Variants in MYB observed in about 807,000 individuals in gnomAD.
MYB encodes transcriptional activator Myb.
A neutral mutation model predicts 92.9 loss-of-function variants in MYB; 28 were observed. The ratio of observed to expected loss-of-function variants is 0.30; its 90% confidence interval spans 0.22 to 0.41. The LOEUF (loss-of-function observed/expected upper bound fraction) is 0.41, where lower values mean the gene tolerates loss of function less well. Ranked by LOEUF, MYB falls within the 10% of genes least tolerant of loss-of-function variation. The pLI is 1.00. For synonymous variants in MYB, 295 were observed against 329.1 expected (o/e 0.90, Z 1.12); for missense variants, 679 against 929.3 (o/e 0.73, Z 3.50).
At position 135,195,780 on chromosome 6, in the gene MYB, G is replaced by T. The variant is rs1157606106; in HGVS notation, c.981G>T (p.Trp327Cys). The T allele has an allele frequency of 1.2e-6, 2 of 1,614,008 alleles. No individual in the cohort carries two copies. The highest frequency in any genetic ancestry group is 1.7e-6 in the Non-Finnish European group (2 of 1,179,998). Reference sequence around the variant, plus strand: ...ACCACACATGCAGCTACCCCGGGTGGCACAGCACCACCATTGCCGACCACA... The same window carrying T: ...ACCACACATGCAGCTACCCCGGGTGTCACAGCACCACCATTGCCGACCACA... Reference protein sequence around the residue: ...TQNHTCSYPGWHSTTIADHTR... With the variant: ...TQNHTCSYPGCHSTTIADHTR... Residue 327 changes from tryptophan (W) to cysteine (C), a missense_variant, in exon 9 of 16, where the codon TGG becomes TGT. Physicochemically the swap from Trp to Cys is radical, Grantham distance 215. This residue lies in a region of MYB where 56 missense variants were observed against 55.8 expected (regional missense o/e 1.00). Coordinates refer to ENST00000341911, the MANE Select transcript of MYB (RefSeq NM_001130173.2).
intron 15 of MYB, among the ~76,000 whole-genome samples, chr6:135,215,082 A>G (rs1206926668): frequency 6.6e-6 from 1 of 152,210 alleles, no homozygotes; most frequent in Admixed American, 6.5e-5. Context: ...ATTTCTATTC[A>G]TAGACAGTGC....
chr6:135,183,778 T>C (rs1775508846), intron 1 of MYB, among the ~76,000 whole-genome samples: 1 of 152,190 alleles, frequency 6.6e-6, no homozygotes, highest in African/African-American at 2.4e-5. Flanking sequence ...CCCAAGACCT[T>C]AGTTTTGCAC....
At position 135,206,216 on chromosome 6, in the gene MYB, A is replaced by T. The variant is rs1424572407; in HGVS notation, c.2169+2892A>T. Among the ~76,000 whole-genome samples the T allele has an allele frequency of 3.5e-4, 50 of 143,390 alleles. 1 individual carries two copies. The highest frequency in any genetic ancestry group is 1.5e-3 in the Admixed American group (21 of 14,296). The allele number at this position is 143,390 out of a possible 152,430, so 94.1% of individuals were successfully genotyped here. ...GCGAGACTCCATCTCAAAAAAAAAA[A>T]AAAAAAAAAAATAATAATAATAATA... On this transcript the variant is annotated intron_variant, in intron 15 of 15. Coordinates refer to ENST00000341911, the MANE Select transcript of MYB (RefSeq NM_001130173.2).
Position 135,194,425 on chromosome 6 carries a change from A to G in MYB, c.913A>G (p.Thr305Ala), listed in dbSNP as rs755251168. The G allele has an allele frequency of 3.7e-6, 6 of 1,614,072 alleles. No homozygotes were observed. The highest frequency in any genetic ancestry group is 1.3e-5 in the African/African-American group (1 of 75,054). ...GGAATTAGAATTGCTCCTAATGTCAACCGAGAATGAGCTAAAAGGACAGCA... is the reference window on the plus strand; with the variant it reads ...GGAATTAGAATTGCTCCTAATGTCAGCCGAGAATGAGCTAAAAGGACAGCA... ...IKELELLLMSTENELKGQQVL... is the reference protein window; with the variant it reads ...IKELELLLMSAENELKGQQVL... The change falls in exon 8 of 16, where the codon ACC (threonine) becomes GCC (alanine). Residue 305 changes from threonine to alanine, a missense_variant. This residue lies in a region of MYB where 43 missense variants were observed against 87.9 expected (regional missense o/e 0.49). Transcript: ENST00000341911.
At chr6:135,196,145 A>G in intron 9 of MYB, 143 bp downstream of exon 9, 1 of 900,382 alleles carries the variant, frequency 1.1e-6, no homozygotes, top group Non-Finnish European at 1.6e-6. Flanking sequence ...CATCTTCATG[A>G]ATATGTTTTT....
intron 15 of MYB, 72 bp downstream of exon 15, chr6:135,203,396 G>C: frequency 7.9e-7 from 1 of 1,259,638 alleles, no homozygotes; most frequent in Non-Finnish European, 1.2e-6. Flanking sequence ...TGGTGGTGGT[G>C]GTGGTGGTGA....
In MYB at chr6:135,189,716, G is replaced by C. The variant is rs554588336; in HGVS notation, c.214-75G>C. ...TTTTCACTGCATATGGTCTATGTGT[G>C]ATTCCTATTACAACAAAAAATTCAC... On this transcript the variant is annotated intron_variant, in intron 3 of 15. Transcript: ENST00000341911. 4.9e-6 allele frequency: 6 copies of C among 1,215,036 alleles called. No homozygotes were observed. The East Asian group carries it at 1.2e-4, about 24-fold the overall frequency. The allele number at this position is 1,215,036 out of a possible 1,614,324, so 75.3% of individuals were successfully genotyped here.
rs1465967713 is a variant in MYB, at chr6:135,200,115, C to T, written c.1740C>T (p.Ile580=). The T allele has an allele frequency of 6.2e-7, 1 of 1,614,006 alleles. No homozygotes were observed. Among genetic ancestry groups the T allele is most frequent in the East Asian group, 2.2e-5 (1 of 44,884 alleles). ...VFRTPAIKRS[I]LESSPRTPTP... ...GAACCCCAGCTATCAAAAGGTCAAT[C>T]TTAGAAAGCTCTCCAAGAACTCCTA... Residue 580 remains isoleucine, a synonymous_variant, in exon 12 of 16, where the codon ATC becomes ATT. Transcript: ENST00000341911.
chr6:135,184,047 C>T (rs1396132695), intron 1 of MYB, among the ~76,000 whole-genome samples: 1 of 152,178 alleles, frequency 6.6e-6, no homozygotes, highest in Non-Finnish European at 1.5e-5. Context: ...CTGCGGGCGG[C>T]TGAATAGGTT....
In MYB at chr6:135,182,296, G is replaced by A. The variant is rs1775175303; in HGVS notation, c.23+760G>A. On this transcript the variant is annotated intron_variant, in intron 1 of 15. Coordinates refer to ENST00000341911, the MANE Select transcript of MYB (RefSeq NM_001130173.2). The surrounding 1 kb of genome is among the most constrained non-coding windows in gnomAD (Gnocchi z 5.6). The stretch of plus-strand genomic sequence containing the variant: ...TTTTTGGCCGGACAGATGGGAAGAG[G>A]GAGAGGAGGAGGAGGAGGGAAATCC... 6.6e-6 allele frequency among the ~76,000 whole-genome samples: 1 copy of A among 152,204 alleles called. No individual in the cohort carries two copies. Among genetic ancestry groups the A allele is most frequent in the Non-Finnish European group, 1.5e-5 (1 of 68,032 alleles).
intron 15 of MYB, among the ~76,000 whole-genome samples, chr6:135,215,859 C>T (rs944451228): frequency 2.6e-5 from 4 of 152,146 alleles, no homozygotes; most frequent in Non-Finnish European, 4.4e-5. Context: ...CACAAACCTG[C>T]GCACACGGCC....
rs545984838 is a variant in MYB, at chr6:135,190,910, C to T, written c.527+563C>T. 1.2e-3 allele frequency among the ~76,000 whole-genome samples: 182 copies of T among 152,266 alleles called. 1 individual carries two copies. The highest frequency in any genetic ancestry group is 4.1e-3 in the African/African-American group (170 of 41,538). On this transcript the variant is annotated intron_variant, in intron 5 of 15. Coordinates refer to ENST00000341911, the MANE Select transcript of MYB (RefSeq NM_001130173.2). This position sits in a 1 kb window ranked among gnomAD's most constrained non-coding sequence, Gnocchi z 4.5. ...CTCCTGGGCTCAAGGGATCCTCCCA[C>T]CTCAGCTTCTTGAGTAGCTAGGACT...
At chr6:135,207,505 A>C (rs1055185666) in intron 15 of MYB, among the ~76,000 whole-genome samples, 3 of 152,184 alleles carry the variant, frequency 2.0e-5, no homozygotes, top group African/African-American at 7.2e-5. Context: ...TAGACAAGCA[A>C]TTATTACTAT....
intron 15 of MYB, among the ~76,000 whole-genome samples, chr6:135,207,978 C>T (rs145125135): frequency 0.14 from 21,780 of 151,908 alleles, 1,978 homozygotes; most frequent in Non-Finnish European, 0.2. Flanking sequence ...CCACCTGCCT[C>T]GGCCTCCCAA....
rs17064280 is a variant in MYB, at chr6:135,190,744, A to T, written c.527+397A>T. Among the ~76,000 whole-genome samples the T allele has an allele frequency of 0.034, 5,144 of 152,268 alleles. 241 individuals carry two copies. The highest frequency in any genetic ancestry group is 0.1 in the African/African-American group (4,309 of 41,514). On this transcript the variant is annotated intron_variant, in intron 5 of 15. Transcript: ENST00000341911. This position sits in a 1 kb window ranked among gnomAD's most constrained non-coding sequence, Gnocchi z 4.5. ...CGTAGCTGGTTAAGTTACTCAAAGG[A>T]ACTCAGCTACCATTTTCCTGATAAC...
At chr6:135,205,194 G>A in intron 15 of MYB, among the ~76,000 whole-genome samples, 1 of 151,372 alleles carries the variant, frequency 6.6e-6, no homozygotes, top group Non-Finnish European at 1.5e-5. Flanking sequence ...AAATTTTCCT[G>A]AAAGCTGTTC....
chr6:135,196,686 A>T lies in MYB; in HGVS notation c.1204-275A>T, dbSNP rs956098292. ...GAGATGACCATTGCCGTAATATGCC[A>T]TCTAGAAAAGGTCTTCATTTTGCTT... On this transcript the variant is annotated intron_variant, in intron 9 of 15. Coordinates refer to ENST00000341911, the MANE Select transcript of MYB (RefSeq NM_001130173.2). 3.8e-6 allele frequency: 5 copies of T among 1,324,636 alleles called. No individual in the cohort carries two copies. The African/African-American group carries it at 7.3e-5, about 19-fold the overall frequency. The allele number at this position is 1,324,636 out of a possible 1,614,324, so 82.1% of individuals were successfully genotyped here.
Position 135,182,960 on chromosome 6 carries a change from C to T in MYB, c.23+1424C>T, listed in dbSNP as rs968094671. Among the ~76,000 whole-genome samples, 6 of 151,282 alleles carry T rather than the reference C, an allele frequency of 4.0e-5. No individual in the cohort carries two copies. The highest frequency in any genetic ancestry group is 2.0e-4 in the Admixed American group (3 of 15,226). The stretch of plus-strand genomic sequence containing the variant: ...ACGGTGTGCTGCCCCTCGAGGGCTC[C>T]ACTTTTCGCCTTTAGGACTTCACAG... On this transcript the variant is annotated intron_variant, in intron 1 of 15. Coordinates refer to ENST00000341911, the MANE Select transcript of MYB (RefSeq NM_001130173.2). This position sits in a 1 kb window ranked among gnomAD's most constrained non-coding sequence, Gnocchi z 5.6.
In MYB at chr6:135,190,154, C is replaced by T; in HGVS notation, c.334C>T (p.Pro112Ser). ...RVIELVQKYG[P>S]KRWSVIAKHL... ...GATAGAGCTTGTACAGAAATACGGT[C>T]CGAAACGTTGGTCTGTTATTGCCAA... Residue 112 changes from proline to serine, a missense_variant, in exon 5 of 16, where the codon CCG (proline) becomes TCG (serine). By Grantham distance (74) the Pro-to-Ser change is moderately conservative. Around this residue, in one of 8 missense-constraint regions of MYB, gnomAD observed 88 missense variants for 145.6 expected, o/e 0.60. Transcript: ENST00000341911. The surrounding 1 kb of genome is among the most constrained non-coding windows in gnomAD (Gnocchi z 4.5). 1 of 1,614,064 alleles carries T rather than the reference C, an allele frequency of 6.2e-7. No homozygotes were observed. The highest frequency in any genetic ancestry group is 8.5e-7 in the Non-Finnish European group (1 of 1,179,992).
Sources: gnomAD v4.1 joint callset for allele counts (sites outside exome capture counted in the v4.1 genomes callset) on GRCh38, gnomAD v4.1.1 for gene constraint, gnomAD v4.1.1 regional missense constraint, Gnocchi (gnomAD v3.1) non-coding constraint, MANE v1.5 for transcripts, NCBI Gene and HGNC (gene_info 2026-07-23, HGNC 2026-07-21) for gene names.